TMEM185B: variants seen among roughly 807,000 people sequenced by gnomAD.
TMEM185B encodes the protein transmembrane protein 185B, also known as ee3_2.
A neutral mutation model predicts 26.2 loss-of-function variants in TMEM185B; 9 were observed. The observed-to-expected ratio is 0.34, with a 90% CI of 0.21 to 0.60. The LOEUF is 0.60. Among genes scored for constraint, TMEM185B ranks in the 20% least tolerant of loss-of-function variants. The pLI, the probability that TMEM185B is intolerant of heterozygous loss-of-function variation, is 0.80. For missense variants in TMEM185B, 392 were observed against 447.9 expected, an observed-to-expected ratio of 0.88 and a Z score of 1.13; for synonymous variants, 204 against 191.8, an observed-to-expected ratio of 1.06 and a Z score of -0.52.
Position 120,222,542 on chromosome 2 carries a change from C to G in TMEM185B, c.435G>C (p.Leu145=). 1 of 1,536,372 alleles carries G rather than the reference C, an allele frequency of 6.5e-7. No individual in the cohort carries two copies. Among genetic ancestry groups the G allele is most frequent in the Admixed American group, 2.0e-5 (1 of 51,010 alleles). The change falls in exon 1 of 1, where the codon CTG becomes CTC. Residue 145 remains leucine (L), a synonymous_variant. Coordinates refer to ENST00000426077, the MANE Select transcript of TMEM185B (RefSeq NM_024121.3). ...RHDRSLELEI[L]CSVNILQFIF... ...TGAACTGCAGGATGTTGACCGAGCA[C>G]AGGATCTCCAGCTCCAGCGACCTAT...
rs1167587022 is a variant in TMEM185B at position 120,220,600 on chromosome 2, C to T, written c.*1324G>A. ...ACGAAATTAGCCAGGCGTGGTGGTG[C>T]ATGCCTGTAATCCCAGCTACTCGCG... On this transcript the variant is annotated 3_prime_UTR_variant, in exon 1 of 1. Transcript: ENST00000426077. Among the ~76,000 whole-genome samples the T allele has an allele frequency of 6.6e-6, 1 of 152,186 alleles. No individual in the cohort carries two copies. The highest frequency in any genetic ancestry group is 1.5e-5 in the Non-Finnish European group (1 of 68,028).
Position 120,222,901 on chromosome 2 carries a change from C to G in TMEM185B, c.76G>C (p.Val26Leu). The change falls in exon 1 of 1, where the codon GTG becomes CTG. Residue 26 changes from valine (V) to leucine (L), a missense_variant. By Grantham distance (32) the Val-to-Leu change is conservative. This residue lies in a region of TMEM185B where 175 missense variants were observed against 169.1 expected (regional missense o/e 1.03). Coordinates refer to ENST00000426077, the MANE Select transcript of TMEM185B (RefSeq NM_024121.3). Reference protein sequence around the residue: ...LIYTCLLLFSVLLPLRLDGII... With the variant: ...LIYTCLLLFSLLLPLRLDGII... ...CCGTCCAGGCGGAGGGGCAGCAGCACCGAGAAGAGCAGCAGGCAGGTGTAG... is the reference window on the plus strand; with the variant it reads ...CCGTCCAGGCGGAGGGGCAGCAGCAGCGAGAAGAGCAGCAGGCAGGTGTAG... 1 of 1,456,042 alleles carries G rather than the reference C, an allele frequency of 6.9e-7. No individual in the cohort carries two copies. The highest frequency in any genetic ancestry group is 9.0e-7 in the Non-Finnish European group (1 of 1,111,870). 90.2% of individuals were successfully genotyped at this position (1,456,042 alleles called of 1,614,324 possible). A position where few individuals can be genotyped will look rare whatever the true frequency, so the allele number is the denominator to read the frequency against.
chr2:120,217,550 TA>T lies in TMEM185B; in HGVS notation c.*4373del, dbSNP rs1441356169. ...TTACATGTTACCTTAAAAAAATTTT[TA>T]AACCTATATTTTCCAAAACAATATA... On this transcript the variant is annotated 3_prime_UTR_variant, in exon 1 of 1. Coordinates refer to ENST00000426077, the MANE Select transcript of TMEM185B (RefSeq NM_024121.3). 1.3e-5 allele frequency among the ~76,000 whole-genome samples: 2 copies of T among 152,246 alleles called. No homozygotes were observed. Among genetic ancestry groups the T allele is most frequent in the African/African-American group, 4.8e-5 (2 of 41,462 alleles).
At position 120,219,180 on chromosome 2, in the gene TMEM185B, C is replaced by T. The variant is rs1688545565; in HGVS notation, c.*2744G>A. Among the ~76,000 whole-genome samples the T allele has an allele frequency of 6.6e-6, 1 of 152,184 alleles. No homozygotes were observed. Among genetic ancestry groups the T allele is most frequent in the African/African-American group, 2.4e-5 (1 of 41,444 alleles). On this transcript the variant is annotated 3_prime_UTR_variant, in exon 1 of 1. Transcript: ENST00000426077. Reference sequence around the variant, plus strand: ...CAAGAATGGGAATCTAGTTGTAGACCACTGAGATTTCTGATGCTGTTTTGC... The same window carrying T: ...CAAGAATGGGAATCTAGTTGTAGACTACTGAGATTTCTGATGCTGTTTTGC...
rs1368651620 is a variant in TMEM185B at position 120,219,799 on chromosome 2, G to A, written c.*2125C>T. Among the ~76,000 whole-genome samples, 3 of 152,232 alleles carry A rather than the reference G, an allele frequency of 2.0e-5. No individual in the cohort carries two copies. Among genetic ancestry groups the A allele is most frequent in the Non-Finnish European group, 4.4e-5 (3 of 68,042 alleles). ...AAGCTGCACTGGGCTCTTTCCCTTT[G>A]TGGGTGCAGCTCACACTTCTCACCG... is the stretch of plus-strand genomic sequence containing the variant. On this transcript the variant is annotated 3_prime_UTR_variant, in exon 1 of 1. Coordinates refer to ENST00000426077, the MANE Select transcript of TMEM185B (RefSeq NM_024121.3).
Position 120,221,975 on chromosome 2 carries a change from A to C in TMEM185B, c.1002T>G (p.Pro334=). 1 of 1,536,334 alleles carries C rather than the reference A, an allele frequency of 6.5e-7. No individual in the cohort carries two copies. The highest frequency in any genetic ancestry group is 8.7e-7 in the Non-Finnish European group (1 of 1,146,768). Residue 334 remains proline (P), a synonymous_variant, in exon 1 of 1, where the codon CCT becomes CCG. Transcript: ENST00000426077. The stretch of plus-strand genomic sequence containing the variant: ...TGGGAGGGGGGGGAACGTATTTCCC[A>C]GGGCTCTGGGTTATAACTACTCTGG... ...KKARVVITQS[P]GKYVPPPPKL...
rs1244659329 is a variant in TMEM185B, at chr2:120,222,494, G to C, written c.483C>G (p.Asp161Glu). The C allele has an allele frequency of 1.3e-6, 2 of 1,536,160 alleles. No individual in the cohort carries two copies. The highest frequency in any genetic ancestry group is 2.7e-5 in the African/African-American group (2 of 73,052). ...CCAGCCACGGCCAGTGAATAATCCTGTCCAGCTTTAGGGCGATGAAGATGA... is the reference window on the plus strand; with the variant it reads ...CCAGCCACGGCCAGTGAATAATCCTCTCCAGCTTTAGGGCGATGAAGATGA... The part of the protein sequence containing the change: ...LQFIFIALKL[D>E]RIIHWPWLVV... The change falls in exon 1 of 1, where the codon GAC becomes GAG. Residue 161 changes from aspartate (D) to glutamate (E), a missense_variant. Transcript: ENST00000426077.
chr2:120,220,648 T>C lies in TMEM185B; in HGVS notation c.*1276A>G, dbSNP rs1688571492. On this transcript the variant is annotated 3_prime_UTR_variant, in exon 1 of 1. Coordinates refer to ENST00000426077, the MANE Select transcript of TMEM185B (RefSeq NM_024121.3). ...GCGAGGCTGAGGCAGAAGAATCGCT[T>C]GAACCGGGAGGCGGAGGCTGCGGCG... 6.6e-6 allele frequency among the ~76,000 whole-genome samples: 1 copy of C among 152,188 alleles called. No individual in the cohort carries two copies. The highest frequency in any genetic ancestry group is 2.4e-5 in the African/African-American group (1 of 41,426).
chr2:120,222,186 C>T lies in TMEM185B; in HGVS notation c.791G>A (p.Arg264Gln), dbSNP rs1470518543. ...LLTLMATTFR[R>Q]KGGNHWWFGI... ...AAACCACCAATGATTGCCCCCCTTT[C>T]GCCTAAATGTTGTGGCCATTAAAGT... Residue 264 changes from arginine (R) to glutamine (Q), a missense_variant, in exon 1 of 1, where the codon CGA (arginine) becomes CAA (glutamine). By Grantham distance (43) the Arg-to-Gln change is conservative. Around this residue, in one of 3 missense-constraint regions of TMEM185B, gnomAD observed 176 missense variants for 201.6 expected, o/e 0.87. Coordinates refer to ENST00000426077, the MANE Select transcript of TMEM185B (RefSeq NM_024121.3). 1.3e-6 allele frequency: 2 copies of T among 1,546,224 alleles called. No individual in the cohort carries two copies. The highest frequency in any genetic ancestry group is 1.7e-6 in the Non-Finnish European group (2 of 1,149,658).
In TMEM185B at chr2:120,222,192, A is replaced by C. The variant is rs1404234248; in HGVS notation, c.785T>G (p.Phe262Cys). Residue 262 changes from phenylalanine (F) to cysteine (C), a missense_variant, in exon 1 of 1, where the codon TTT (phenylalanine) becomes TGT (cysteine). Phe to Cys is a radical substitution (Grantham distance 205). Around this residue, in one of 3 missense-constraint regions of TMEM185B, gnomAD observed 176 missense variants for 201.6 expected, o/e 0.87. Transcript: ENST00000426077. The stretch of plus-strand genomic sequence containing the variant: ...CCAATGATTGCCCCCCTTTCGCCTA[A>C]ATGTTGTGGCCATTAAAGTTAGTAA... The part of the protein sequence containing the change: ...LSLLTLMATT[F>C]RRKGGNHWWF... 6.5e-7 allele frequency: 1 copy of C among 1,543,796 alleles called. No homozygotes were observed. Among genetic ancestry groups the C allele is most frequent in the East Asian group, 2.4e-5 (1 of 41,098 alleles).
rs758596743 is a variant in TMEM185B, at chr2:120,220,167, CA to C, written c.*1756del. 6.6e-6 allele frequency among the ~76,000 whole-genome samples: 1 copy of C among 152,112 alleles called. No homozygotes were observed. The highest frequency in any genetic ancestry group is 2.1e-4 in the South Asian group (1 of 4,828). On this transcript the variant is annotated 3_prime_UTR_variant, in exon 1 of 1. Transcript: ENST00000426077. ...TGTTATTTTAATGTTTTATATAGGG[CA>C]AAAATAGTGAATTTAGGGTTATGTG...
At position 120,218,460 on chromosome 2, in the gene TMEM185B, G is replaced by A. The variant is rs527625597; in HGVS notation, c.*3464C>T. ...GGGCTTCATCCCATCTTTCCTGCCC[G>A]GCTGAATGACCTGTATCCCAACAGC... On this transcript the variant is annotated 3_prime_UTR_variant, in exon 1 of 1. Coordinates refer to ENST00000426077, the MANE Select transcript of TMEM185B (RefSeq NM_024121.3). Among the ~76,000 whole-genome samples the A allele has an allele frequency of 1.3e-5, 2 of 152,306 alleles. No homozygotes were observed. Among genetic ancestry groups the A allele is most frequent in the Non-Finnish European group, 1.5e-5 (1 of 68,018 alleles).
In TMEM185B at chr2:120,223,397, G is replaced by C. The variant is rs1339976717; in HGVS notation, c.-421C>G. On this transcript the variant is annotated 5_prime_UTR_variant, in exon 1 of 1. Coordinates refer to ENST00000426077, the MANE Select transcript of TMEM185B (RefSeq NM_024121.3). ...GGCGACTCCGGGAACATGGAGGCGG[G>C]AGTGAGCTCACATCCTCCCTGCCGG... is the stretch of plus-strand genomic sequence containing the variant. 6.4e-6 allele frequency: 1 copy of C among 155,070 alleles called. No individual in the cohort carries two copies. The highest frequency in any genetic ancestry group is 1.4e-5 in the Non-Finnish European group (1 of 70,140). 9.6% of individuals were successfully genotyped at this position (155,070 alleles called of 1,614,324 possible). A position where few individuals can be genotyped will look rare whatever the true frequency, so the allele number is the denominator to read the frequency against.
rs1688538597 is a variant in TMEM185B, at chr2:120,218,760, G to C, written c.*3164C>G. Among the ~76,000 whole-genome samples the C allele has an allele frequency of 6.6e-6, 1 of 152,228 alleles. No individual in the cohort carries two copies. Among genetic ancestry groups the C allele is most frequent in the Admixed American group, 6.5e-5 (1 of 15,288 alleles). On this transcript the variant is annotated 3_prime_UTR_variant, in exon 1 of 1. Coordinates refer to ENST00000426077, the MANE Select transcript of TMEM185B (RefSeq NM_024121.3). Reference sequence around the variant, plus strand: ...CAACAGATCCCTTCTAATGGAAACAGCTTTTAAAAATTTCAGGATATTCGT... The same window carrying C: ...CAACAGATCCCTTCTAATGGAAACACCTTTTAAAAATTTCAGGATATTCGT...
chr2:120,220,576 C>A lies in TMEM185B; in HGVS notation c.*1348G>T, dbSNP rs557563506. On this transcript the variant is annotated 3_prime_UTR_variant, in exon 1 of 1. Coordinates refer to ENST00000426077, the MANE Select transcript of TMEM185B (RefSeq NM_024121.3). Reference sequence around the variant, plus strand: ...AGAAACCCTGTCTCTATTAAAAATACGAAATTAGCCAGGCGTGGTGGTGCA... The same window carrying A: ...AGAAACCCTGTCTCTATTAAAAATAAGAAATTAGCCAGGCGTGGTGGTGCA... Among the ~76,000 whole-genome samples, 1 of 152,064 alleles carries A rather than the reference C, an allele frequency of 6.6e-6. No individual in the cohort carries two copies. The highest frequency in any genetic ancestry group is 2.4e-5 in the African/African-American group (1 of 41,398).
chr2:120,220,496 C>T lies in TMEM185B; in HGVS notation c.*1428G>A, dbSNP rs1688568893. Among the ~76,000 whole-genome samples, 1 of 152,174 alleles carries T rather than the reference C, an allele frequency of 6.6e-6. No homozygotes were observed. The highest frequency in any genetic ancestry group is 6.5e-5 in the Admixed American group (1 of 15,278). ...CTGTAATCCCAGCACTTTGGGAGGC[C>T]AAGGCGGGCAGATCACCTCAAGTCA... On this transcript the variant is annotated 3_prime_UTR_variant, in exon 1 of 1. Transcript: ENST00000426077.
At position 120,221,089 on chromosome 2, in the gene TMEM185B, C is replaced by G. The variant is rs1458048581; in HGVS notation, c.*835G>C. Among the ~76,000 whole-genome samples the G allele has an allele frequency of 6.6e-6, 1 of 152,172 alleles. No individual in the cohort carries two copies. The highest frequency in any genetic ancestry group is 1.5e-5 in the Non-Finnish European group (1 of 68,036). On this transcript the variant is annotated 3_prime_UTR_variant, in exon 1 of 1. Transcript: ENST00000426077. ...CCACACTAGAGCCTGTCACAAGTTC[C>G]CAAGGGCAGTGGCCTCTTCCTCTAC...
In TMEM185B at chr2:120,221,906, T is replaced by C. The variant is rs1688593361; in HGVS notation, c.*18A>G. The C allele has an allele frequency of 6.7e-7, 1 of 1,499,208 alleles. No homozygotes were observed. The highest frequency in any genetic ancestry group is 8.9e-7 in the Non-Finnish European group (1 of 1,129,390). 92.9% of individuals were successfully genotyped at this position (1,499,208 alleles called of 1,614,324 possible). ...AGGCCAAGTGGAGTCTGTGTGTGCC[T>C]GGGTCCTCTCTAGGAGTTTAATCTG... is the stretch of plus-strand genomic sequence containing the variant. On this transcript the variant is annotated 3_prime_UTR_variant, in exon 1 of 1. Coordinates refer to ENST00000426077, the MANE Select transcript of TMEM185B (RefSeq NM_024121.3).
chr2:120,222,669 T>C lies in TMEM185B; in HGVS notation c.308A>G (p.Asp103Gly). The C allele has an allele frequency of 2.0e-6, 3 of 1,536,498 alleles. No homozygotes were observed. The highest frequency in any genetic ancestry group is 2.6e-6 in the Non-Finnish European group (3 of 1,147,008). Residue 103 changes from aspartate (D) to glycine (G), a missense_variant, in exon 1 of 1, where the codon GAC becomes GGC. Physicochemically the swap from Asp to Gly is moderately conservative, Grantham distance 94. This residue lies in a region of TMEM185B where 175 missense variants were observed against 169.1 expected (regional missense o/e 1.03). Transcript: ENST00000426077. ...GAAGTGGGTGCCCCTCTCCACCCTG[T>C]CGCAGACCAGGACTTCGAACATGAG... ...LLLMFEVLVC[D>G]RVERGTHFWL...
Sources: allele counts gnomAD v4.1 joint callset (sites outside exome capture counted in the v4.1 genomes callset), GRCh38; gene constraint gnomAD v4.1.1; regional missense constraint gnomAD v4.1.1; transcripts MANE v1.5; gene names NCBI Gene and HGNC (gene_info 2026-07-23, HGNC 2026-07-21).